PHC3: variants seen among roughly 807,000 people sequenced by gnomAD.
PHC3 encodes the protein polyhomeotic homolog 3.
Under a neutral mutation model 107.4 loss-of-function variants are expected in PHC3, and 13 were observed. That is an observed-to-expected ratio of 0.12 (90% CI 0.08 to 0.19). PHC3 has a LOEUF of 0.19. Among genes scored for constraint, PHC3 ranks in the 10% least tolerant of loss-of-function variants. The pLI is 1.00. For missense variants in PHC3, 992 were observed against 1,210.9 expected (o/e 0.82, Z 2.68); for synonymous variants, 456 against 427.4 (o/e 1.07, Z -0.83).
chr3:170,158,991 C>A (rs1474520795), intron 4 of PHC3, among the ~76,000 whole-genome samples: 2 of 151,218 alleles, frequency 1.3e-5, no homozygotes, highest in Non-Finnish European at 2.9e-5. Flanking sequence ...GTGGCTCACA[C>A]CTGTAATCCC....
At chr3:170,138,562 T>C (rs1409926845) in intron 6 of PHC3, among the ~76,000 whole-genome samples, 1 of 151,626 alleles carries the variant, frequency 6.6e-6, no homozygotes, top group African/African-American at 2.4e-5. Context: ...TGGGGGCAGG[T>C]GCCTGTAGTC....
chr3:170,157,107 C>T lies in PHC3; in HGVS notation c.415-7863G>A, dbSNP rs534586867. On this transcript the variant is annotated intron_variant, in intron 4 of 14. Transcript: ENST00000495893. The stretch of plus-strand genomic sequence containing the variant: ...TCATATTGGAAATAATTTAAAATGT[C>T]CAGCAACAGCGATGGTTATATAAAA... Among the ~76,000 whole-genome samples the T allele has an allele frequency of 2.6e-5, 4 of 152,256 alleles. No individual in the cohort carries two copies. The South Asian group carries it at 8.3e-4, about 32-fold the overall frequency.
At chr3:170,178,305 G>A (rs991110278) in intron 2 of PHC3, among the ~76,000 whole-genome samples, 15 of 151,888 alleles carry the variant, frequency 9.9e-5, no homozygotes, top group Non-Finnish European at 1.8e-4. Context: ...CACTGCGCCC[G>A]GCTAATTTTT....
chr3:170,124,311 A>G (rs1720926587), intron 8 of PHC3, among the ~76,000 whole-genome samples: 1 of 152,186 alleles, frequency 6.6e-6, no homozygotes, highest in East Asian at 1.9e-4. Context: ...TTTATCTATA[A>G]AGCTTATTAC....
chr3:170,104,460 T>TG (rs1716081453), intron 12 of PHC3, among the ~76,000 whole-genome samples: 1 of 152,130 alleles, frequency 6.6e-6, no homozygotes, highest in Non-Finnish European at 1.5e-5. Context: ...TTTGTAGAGA[T>TG]GGGGGTCTCA....
At chr3:170,178,236 C>A (rs993300285) in intron 2 of PHC3, among the ~76,000 whole-genome samples, 2 of 151,304 alleles carry the variant, frequency 1.3e-5, no homozygotes, top group African/African-American at 4.9e-5. Flanking sequence ...CTCCGCCTTC[C>A]GGGTTCACGC....
At chr3:170,127,950 T>TTACTCCTCTAAATGAACAA (rs1382285347) in intron 8 of PHC3, among the ~76,000 whole-genome samples, 178 of 152,286 alleles carry the variant, frequency 1.2e-3, no homozygotes, top group Admixed American at 2.1e-3. Context: ...ATTCGAAACT[T>TTACTCCTCTAAATGAACAA]TTACTCCTCT....
intron 14 of PHC3, among the ~76,000 whole-genome samples, chr3:170,102,008 C>CA (rs1257719161): frequency 9.9e-5 from 15 of 151,342 alleles, no homozygotes; most frequent in Non-Finnish European, 1.9e-4. Context: ...TCAAAGAAAC[C>CA]AAATTTTTAC....
rs1299769466 is a variant in PHC3 at position 170,097,867 on chromosome 3, T to C, written c.2834-483A>G. 4.6e-5 allele frequency among the ~76,000 whole-genome samples: 7 copies of C among 152,338 alleles called. No homozygotes were observed. The East Asian group carries it at 5.8e-4, about 13-fold the overall frequency. On this transcript the variant is annotated intron_variant, in intron 14 of 14. Transcript: ENST00000495893. The surrounding 1 kb of genome is among the most constrained non-coding windows in gnomAD (Gnocchi z 4.1). Reference sequence around the variant, plus strand: ...TAAGTACCACTTTCATTATCATTTGTACCTTATCCTAATTTATGACCTTCA... The same window carrying C: ...TAAGTACCACTTTCATTATCATTTGCACCTTATCCTAATTTATGACCTTCA...
chr3:170,113,110 C>A (rs1718155469), intron 11 of PHC3, among the ~76,000 whole-genome samples: 4 of 152,210 alleles, frequency 2.6e-5, no homozygotes, highest in Admixed American at 2.6e-4. Context: ...TATGATGGAA[C>A]TTTTCCCACT....
At chr3:170,156,403 C>T (rs1726906073) in intron 4 of PHC3, among the ~76,000 whole-genome samples, 1 of 148,084 alleles carries the variant, frequency 6.8e-6, no homozygotes, top group Admixed American at 6.8e-5. Flanking sequence ...ACCACAAGCG[C>T]CCACTACCAT....
intron 10 of PHC3, among the ~76,000 whole-genome samples, chr3:170,116,829 T>A (rs983728515): frequency 2.0e-5 from 3 of 151,560 alleles, no homozygotes; most frequent in Non-Finnish European, 2.9e-5. Flanking sequence ...AAGAATCAAC[T>A]GAGCCCCAGG....
intron 11 of PHC3, among the ~76,000 whole-genome samples, chr3:170,111,313 G>C (rs59932786): frequency 0.2 from 22,212 of 110,676 alleles, 2,130 homozygotes; most frequent in East Asian, 0.36. Context: ...AAGGAAGGAA[G>C]GAAGGAACGA....
At chr3:170,144,150 T>C (rs926906590) in intron 6 of PHC3, among the ~76,000 whole-genome samples, 4 of 147,548 alleles carry the variant, frequency 2.7e-5, no homozygotes, top group Non-Finnish European at 6.0e-5. Context: ...TGAAACCCTG[T>C]TTCTACTTAA....
At chr3:170,117,121 CTT>C in intron 10 of PHC3, 103 bp downstream of exon 10, 1 of 1,404,752 alleles carries the variant, frequency 7.1e-7, no homozygotes. Flanking sequence ...GGACAACTTT[CTT>C]GAAATAAAAT....
chr3:170,103,041 C>A, intron 12 of PHC3, 107 bp from the exon 13 acceptor site: 1 of 1,089,674 alleles, frequency 9.2e-7, no homozygotes, highest in South Asian at 1.5e-5. Context: ...TACCACAATA[C>A]ATCATTAATG....
At chr3:170,149,821 A>G (rs1238913579) in intron 4 of PHC3, 1 of 152,172 alleles carries the variant, frequency 6.6e-6, no homozygotes, top group Non-Finnish European at 1.5e-5. Flanking sequence ...TATCATTTCC[A>G]CTACCTCCTA....
At chr3:170,153,809 C>T (rs545830670) in intron 4 of PHC3, among the ~76,000 whole-genome samples, 1 of 152,134 alleles carries the variant, frequency 6.6e-6, no homozygotes, top group African/African-American at 2.4e-5. Context: ...AACCTCTTCC[C>T]TGACAACCTC....
At chr3:170,102,067 A>C in intron 14 of PHC3, 2 of 866,770 alleles carry the variant, frequency 2.3e-6, no homozygotes, top group Non-Finnish European at 2.8e-6. Flanking sequence ...AAAAGAAAAA[A>C]GTCTCTCTTA....
Sources: gnomAD v4.1 joint callset for allele counts (sites outside exome capture counted in the v4.1 genomes callset) on GRCh38, gnomAD v4.1.1 for gene constraint, Gnocchi (gnomAD v3.1) non-coding constraint, MANE v1.5 for transcripts, NCBI Gene and HGNC (gene_info 2026-07-23, HGNC 2026-07-21) for gene names.